ZNF333: variants seen among roughly 807,000 people sequenced by gnomAD.
The protein encoded by ZNF333 is zinc finger protein 333.
In ZNF333, 61 loss-of-function variants were observed where a neutral mutation model predicts 76.1. That is an observed-to-expected ratio of 0.80 (90% confidence interval 0.65 to 0.99). ZNF333 has a LOEUF of 0.99. Among genes scored for constraint, ZNF333 ranks in the 50% least tolerant of loss-of-function variants. The pLI is 0.00. For missense variants in ZNF333, 717 were observed against 822.4 expected (o/e 0.87, Z 1.57); for synonymous variants, 284 against 305.0 (o/e 0.93, Z 0.72).
intron 5 of ZNF333, among the ~76,000 whole-genome samples, chr19:14,700,562 A>G (rs1973601413): frequency 6.6e-6 from 1 of 152,170 alleles, no homozygotes; most frequent in South Asian, 2.1e-4. Flanking sequence ...AAAGCCTTCC[A>G]TATGAGCTTG....
intron 9 of ZNF333, among the ~76,000 whole-genome samples, chr19:14,716,682 T>C (rs1420658744): frequency 6.6e-6 from 1 of 152,238 alleles, no homozygotes; most frequent in Admixed American, 6.5e-5. Flanking sequence ...GTCTACTTAC[T>C]GGCCTTTCTA....
At chr19:14,698,420 C>T (rs1973386081) in intron 4 of ZNF333, among the ~76,000 whole-genome samples, 1 of 149,352 alleles carries the variant, frequency 6.7e-6, no homozygotes, top group Non-Finnish European at 1.5e-5. Context: ...TGGTGCATGC[C>T]TGTAATCCCA....
chr19:14,724,747 CAA>C (rs1395004773), downstream of ZNF333, among the ~76,000 whole-genome samples: 2 of 152,138 alleles, frequency 1.3e-5, no homozygotes, highest in African/African-American at 2.4e-5. Context: ...GCCTGGGCAA[CAA>C]GAGTGAAATT....
At chr19:14,694,918 T>C in intron 2 of ZNF333, 92 bp from the exon 3 acceptor site, 1 of 1,576,008 alleles carries the variant, frequency 6.3e-7, no homozygotes, top group Non-Finnish European at 8.7e-7. Flanking sequence ...GCCTGCTGTG[T>C]CTGAACATTT....
intron 1 of ZNF333, among the ~76,000 whole-genome samples, chr19:14,692,694 G>A (rs1972862006): frequency 6.6e-6 from 1 of 151,894 alleles, no homozygotes; most frequent in Admixed American, 6.6e-5. Context: ...TGTATTTTAA[G>A]TAGAGATGGG....
Position 14,705,170 on chromosome 19 carries a change from G to T in ZNF333, c.423G>T (p.Thr141=). ...LQEPPWSLGC[T]GLKAAMQIQR... ...AGCCGCCTTGGTCTCTGGGATGCACGGTAAGCCTGGGAGAGGTTCACTGTG... is the reference window on the plus strand; with the variant it reads ...AGCCGCCTTGGTCTCTGGGATGCACTGTAAGCCTGGGAGAGGTTCACTGTG... Residue 141 remains threonine (T), a splice_region_variant and synonymous_variant, in exon 6 of 12, where the codon ACG becomes ACT. Transcript: ENST00000292530. 4 of 1,612,478 alleles carry T rather than the reference G, an allele frequency of 2.5e-6. No individual in the cohort carries two copies. The highest frequency in any genetic ancestry group is 3.4e-6 in the Non-Finnish European group (4 of 1,179,436).
At chr19:14,728,969 CAAAT>C (rs1390563902) in intron 11 of ZNF333, among the ~76,000 whole-genome samples, 1 of 152,102 alleles carries the variant, frequency 6.6e-6, no homozygotes, top group Non-Finnish European at 1.5e-5. Context: ...ATATTTCTCT[CAAAT>C]AAAGAAGGGG....
chr19:14,733,378 A>G (rs977720639), exon 12 of ZNF333: 10 of 152,234 alleles, frequency 6.6e-5, no homozygotes, highest in African/African-American at 2.4e-4. Context: ...GCTCGGGCAC[A>G]GAGGAAGGTG....
downstream of ZNF333, among the ~76,000 whole-genome samples, chr19:14,723,612 G>A (rs2042615466): frequency 6.6e-6 from 1 of 152,166 alleles, no homozygotes; most frequent in African/African-American, 2.4e-5. Context: ...TAATGCTGTT[G>A]TAAATGGATT....
In ZNF333 at chr19:14,698,613, G is replaced by A. The variant is rs1973403847; in HGVS notation, c.224-586G>A. Among the ~76,000 whole-genome samples, 3 of 151,694 alleles carry A rather than the reference G, an allele frequency of 2.0e-5. No homozygotes were observed. In the South Asian group the frequency reaches 6.2e-4, roughly 31 times the overall value. On this transcript the variant is annotated intron_variant, in intron 4 of 11. Transcript: ENST00000292530. ...CCAGCACTTTGGGAGGCTGAGGTGG[G>A]TGGATCACAAGGTCAGGAGTTCAAG... is the stretch of plus-strand genomic sequence containing the variant.
intron 4 of ZNF333, among the ~76,000 whole-genome samples, chr19:14,696,996 C>A (rs1327310743): frequency 6.6e-6 from 1 of 152,146 alleles, no homozygotes; most frequent in South Asian, 2.1e-4. Context: ...CTCAGCCTCA[C>A]AAAATGCTGG....
chr19:14,711,640 G>C (rs2042277932), intron 7 of ZNF333, among the ~76,000 whole-genome samples: 1 of 152,186 alleles, frequency 6.6e-6, no homozygotes, highest in Admixed American at 6.5e-5. Context: ...GAGAGAGCAA[G>C]ACCCTGTCTC....
chr19:14,705,734 C>T (rs1266924351), intron 6 of ZNF333, among the ~76,000 whole-genome samples: 1 of 152,198 alleles, frequency 6.6e-6, no homozygotes, highest in African/African-American at 2.4e-5. Flanking sequence ...CGCCTCCTGT[C>T]GGATCAGCAG....
At chr19:14,701,582 A>G in intron 5 of ZNF333, 1 of 985,484 alleles carries the variant, frequency 1.0e-6, no homozygotes, top group African/African-American at 1.7e-5. Context: ...CTTGCTCAGC[A>G]GGTGGACCCC....
chr19:14,711,634 G>T (rs2042277811), intron 7 of ZNF333, among the ~76,000 whole-genome samples: 1 of 152,146 alleles, frequency 6.6e-6, no homozygotes, highest in South Asian at 2.1e-4. Context: ...CTGGGTGAGA[G>T]AGCAAGACCC....
At chr19:14,690,340 A>G (rs1972666992) in intron 1 of ZNF333, among the ~76,000 whole-genome samples, 190 bp downstream of exon 1, 1 of 152,198 alleles carries the variant, frequency 6.6e-6, no homozygotes. Flanking sequence ...TCTCGCTCTC[A>G]GGTACCCCCC....
chr19:14,723,710 C>T (rs943570970), downstream of ZNF333, among the ~76,000 whole-genome samples: 7 of 152,152 alleles, frequency 4.6e-5, no homozygotes, highest in African/African-American at 1.7e-4. Flanking sequence ...ACTTCTTTTG[C>T]AACCCATATT....
chr19:14,691,269 G>A (rs957953379), intron 1 of ZNF333, among the ~76,000 whole-genome samples: 9 of 152,122 alleles, frequency 5.9e-5, no homozygotes, highest in African/African-American at 2.2e-4. Flanking sequence ...GAAAACCTAA[G>A]ACTGTTATTC....
At chr19:14,701,686 A>C (rs1188573042) in intron 5 of ZNF333, 33 of 985,318 alleles carry the variant, frequency 3.3e-5, no homozygotes, top group Middle Eastern at 1.0e-3. Flanking sequence ...ACAGGGCTCC[A>C]GTGCCCTCCA....
Sources: gnomAD v4.1 joint callset for allele counts (sites outside exome capture counted in the v4.1 genomes callset) on GRCh38, gnomAD v4.1.1 for gene constraint, MANE v1.5 for transcripts, NCBI Gene and HGNC (gene_info 2026-07-23, HGNC 2026-07-21) for gene names.